Variants in RP1L1 observed in about 807,000 individuals in gnomAD.
RP1L1 encodes the protein RP1 like 1.
A neutral mutation model predicts 15.7 loss-of-function variants in RP1L1; 27 were observed. The observed-to-expected ratio is 1.72, with a 90% CI of 1.27 to 2.38. The LOEUF (loss-of-function observed/expected upper bound fraction) is 2.38. Ranked by LOEUF, RP1L1 falls within the 30% of genes most tolerant of loss-of-function variation. The probability of loss-of-function intolerance (pLI) is 0.00; values close to 1 mark genes in which losing one functional copy is unlikely to be tolerated. For missense variants in RP1L1, 4,798 were observed against 3,075.9 expected (o/e 1.56, Z -13.24); for synonymous variants, 1,813 against 1,276.7 (o/e 1.42, Z -8.96).
At chr8:10,626,485 G>A (rs1006401653) in intron 1 of RP1L1, among the ~76,000 whole-genome samples, 1 of 152,168 alleles carries the variant, frequency 6.6e-6, no homozygotes, top group Non-Finnish European at 1.5e-5. Flanking sequence ...CAGGGAGCTG[G>A]GTCCTTTGCA....
At chr8:10,641,592 A>G (rs1391783755) in intron 1 of RP1L1, among the ~76,000 whole-genome samples, 1 of 152,190 alleles carries the variant, frequency 6.6e-6, no homozygotes. Context: ...AGAGCTTTTA[A>G]CCTTTTTGCA....
rs747647090 is a variant in RP1L1 at position 10,607,438 on chromosome 8, C to G, written c.6660G>C (p.Glu2220Asp). 3.7e-6 allele frequency: 6 copies of G among 1,613,664 alleles called. No homozygotes were observed. In the South Asian group the frequency reaches 5.5e-5, roughly 15 times the overall value. The change falls in exon 4 of 4, where the codon GAG (glutamate) becomes GAC (aspartate). Residue 2220 changes from glutamate to aspartate, a missense_variant. Physicochemically the swap from Glu to Asp is conservative, Grantham distance 45. Coordinates refer to ENST00000382483, the MANE Select transcript of RP1L1 (RefSeq NM_178857.6). ...EGVEAPEAEEEAQPEPEGVET... is the reference protein window; with the variant it reads ...EGVEAPEAEEDAQPEPEGVET... The stretch of plus-strand genomic sequence containing the variant: ...CTACGCCTTCTGGCTCTGGCTGGGC[C>G]TCCTCTTCAGCCTCCGGGGCCTCTA...
In RP1L1 at chr8:10,613,599, C is replaced by A. The variant is rs11250049; in HGVS notation, c.752-253G>T. Among the ~76,000 whole-genome samples the A allele has an allele frequency of 0.86, 67,231 of 78,096 alleles. 28,210 individuals carry two copies. Among genetic ancestry groups the A allele is most frequent in the Middle Eastern group, 0.98 (123 of 126 alleles). 51.2% of individuals were successfully genotyped at this position (78,096 alleles called of 152,430 possible). On this transcript the variant is annotated intron_variant, in intron 3 of 3. Transcript: ENST00000382483. The stretch of plus-strand genomic sequence containing the variant: ...GACAACTTAGTGAGACACCATCTCT[C>A]CAAAAAAAAAAAAAAAAAAAAAAAA...
At position 10,607,284 on chromosome 8, in the gene RP1L1, C is replaced by T. The variant is rs1030576162; in HGVS notation, c.6814G>A (p.Val2272Ile). Reference sequence around the variant, plus strand: ...GGTGGAGTGGGCCTGTCCTCAGGGACTGGGCTGCTGCTTTCAGAAGCCTCC... The same window carrying T: ...GGTGGAGTGGGCCTGTCCTCAGGGATTGGGCTGCTGCTTTCAGAAGCCTCC... ...SEEASESSSP[V>I]PEDRPTPPPS... Residue 2272 changes from valine to isoleucine, a missense_variant, in exon 4 of 4, where the codon GTC becomes ATC. Coordinates refer to ENST00000382483, the MANE Select transcript of RP1L1 (RefSeq NM_178857.6). The T allele has an allele frequency of 2.5e-6, 4 of 1,614,102 alleles. No individual in the cohort carries two copies. In the African/African-American group the frequency reaches 4.0e-5, roughly 16 times the overall value.
chr8:10,616,682 G>T, intron 2 of RP1L1, 95 bp from the exon 3 acceptor site: 1 of 1,396,876 alleles, frequency 7.2e-7, no homozygotes, highest in Non-Finnish European at 9.5e-7. Flanking sequence ...CACCAGCCCT[G>T]TCCTGATTTC....
rs770403429 is a variant in RP1L1 at position 10,611,469 on chromosome 8, G to A, written c.2629C>T (p.His877Tyr). The A allele has an allele frequency of 9.0e-5, 142 of 1,569,280 alleles. 1 individual carries two copies. The East Asian group carries it at 1.6e-3, about 18-fold the overall frequency. The part of the protein sequence containing the change: ...SSSCGSTGSS[H>Y]QSTARGPGGS... ...CCTGGCCCCCGGGCAGTGCTTTGGT[G>A]GCTGCTGCCGGTGCTCCCACAGCTG... Residue 877 changes from histidine to tyrosine, a missense_variant, in exon 4 of 4, where the codon CAC (histidine) becomes TAC (tyrosine). Coordinates refer to ENST00000382483, the MANE Select transcript of RP1L1 (RefSeq NM_178857.6).
At chr8:10,621,761 G>A in intron 2 of RP1L1, 1 of 508,442 alleles carries the variant, frequency 2.0e-6, no homozygotes, top group Non-Finnish European at 3.9e-6. Context: ...GGAATTTCAT[G>A]TCCGGCAGAA....
intron 1 of RP1L1, among the ~76,000 whole-genome samples, chr8:10,630,856 T>C (rs908849646): frequency 6.6e-6 from 1 of 152,218 alleles, no homozygotes; most frequent in African/African-American, 2.4e-5. Flanking sequence ...GTGTTAAGTC[T>C]ACAACAGAGA....
rs1365429404 is a variant in RP1L1 at position 10,617,617 on chromosome 8, C to T, written c.610-1030G>A. Among the ~76,000 whole-genome samples the T allele has an allele frequency of 6.2e-5, 8 of 129,246 alleles. No homozygotes were observed. In the East Asian group the frequency reaches 6.9e-4, roughly 11 times the overall value. The allele number at this position is 129,246 out of a possible 152,430, so 84.8% of individuals were successfully genotyped here. Reference sequence around the variant, plus strand: ...TGTCACCCAGGCTGGAGTGCAGTGGCGCGATCTGGGCTCACTGCAAGCTCT... The same window carrying T: ...TGTCACCCAGGCTGGAGTGCAGTGGTGCGATCTGGGCTCACTGCAAGCTCT... On this transcript the variant is annotated intron_variant, in intron 2 of 3. Transcript: ENST00000382483.
At chr8:10,631,037 C>T (rs534984879) in intron 1 of RP1L1, among the ~76,000 whole-genome samples, 22 of 152,210 alleles carry the variant, frequency 1.4e-4, no homozygotes, top group African/African-American at 5.1e-4. Context: ...ATGGCTTTGC[C>T]GGGTTTGTGG....
At position 10,608,369 on chromosome 8, in the gene RP1L1, T is replaced by A. The variant is rs1211090776; in HGVS notation, c.5729A>T (p.Glu1910Val). ...CTCTGGCTGGGCCTCCTTTTCTGCC[T>A]CCGGGGCTTCTGCACCTTCTGACTC... ...QPESEGAEAP[E>V]AEKEAQPETE... The change falls in exon 4 of 4, where the codon GAG (glutamate) becomes GTG (valine). Residue 1910 changes from glutamate (E) to valine (V), a missense_variant. Glu to Val is a moderately radical substitution (Grantham distance 121, BLOSUM62 -2). Coordinates refer to ENST00000382483, the MANE Select transcript of RP1L1 (RefSeq NM_178857.6). 3 of 1,613,362 alleles carry A rather than the reference T, an allele frequency of 1.9e-6. No homozygotes were observed. In the African/African-American group the frequency reaches 4.0e-5, roughly 22 times the overall value.
chr8:10,650,159 A>T (rs1798537412), intron 1 of RP1L1, among the ~76,000 whole-genome samples: 1 of 152,170 alleles, frequency 6.6e-6, no homozygotes, highest in Non-Finnish European at 1.5e-5. Context: ...TGCTGCTGCA[A>T]CCACCACGTG....
intron 2 of RP1L1, among the ~76,000 whole-genome samples, chr8:10,619,392 C>G (rs1379697573): frequency 6.6e-6 from 1 of 152,188 alleles, no homozygotes; most frequent in Non-Finnish European, 1.5e-5. Context: ...AAAAGATGCC[C>G]TCGTTGTTCT....
intron 1 of RP1L1, among the ~76,000 whole-genome samples, chr8:10,625,807 G>A (rs998229148): frequency 2.0e-5 from 3 of 152,136 alleles, no homozygotes; most frequent in African/African-American, 7.2e-5. Flanking sequence ...GAGACCGAGG[G>A]ATCCACCCCT....
At chr8:10,635,132 G>A (rs780106804) in intron 1 of RP1L1, among the ~76,000 whole-genome samples, 9 of 152,196 alleles carry the variant, frequency 5.9e-5, no homozygotes, top group East Asian at 3.9e-4. Flanking sequence ...CTCGGGTGAC[G>A]CGGTCTTCAT....
At chr8:10,616,099 G>C (rs572536347) in intron 3 of RP1L1, among the ~76,000 whole-genome samples, 26 of 151,958 alleles carry the variant, frequency 1.7e-4, no homozygotes, top group African/African-American at 6.0e-4. Flanking sequence ...TTTAGAGACA[G>C]TGTCTCATTA....
chr8:10,619,291 C>T (rs1018663148), intron 2 of RP1L1, among the ~76,000 whole-genome samples: 11 of 152,298 alleles, frequency 7.2e-5, no homozygotes, highest in African/African-American at 2.6e-4. Flanking sequence ...AACGTGGCAG[C>T]GAAGCACAGG....
chr8:10,641,285 G>T (rs138215918), intron 1 of RP1L1, among the ~76,000 whole-genome samples: 3 of 152,190 alleles, frequency 2.0e-5, no homozygotes, highest in Non-Finnish European at 4.4e-5. Flanking sequence ...AGTCAGAATA[G>T]GAGAGCCCAA....
At chr8:10,624,967 G>C (rs1436792364) in intron 1 of RP1L1, among the ~76,000 whole-genome samples, 2 of 152,204 alleles carry the variant, frequency 1.3e-5, no homozygotes, top group Non-Finnish European at 2.9e-5. Context: ...GAAGAAGCCT[G>C]GGTGGGGTTG....
Sources: gnomAD v4.1 joint callset for allele counts (sites outside exome capture counted in the v4.1 genomes callset) on GRCh38, gnomAD v4.1.1 for gene constraint, MANE v1.5 for transcripts, NCBI Gene and HGNC (gene_info 2026-07-23, HGNC 2026-07-21) for gene names.